The following PRRG1 variants were observed in gnomAD, a reference collection of about 807,000 sequenced individuals.
The protein encoded by PRRG1 is proline rich and Gla domain 1.
In PRRG1, 5 loss-of-function variants were observed where a neutral mutation model predicts 11.8. That is an observed-to-expected ratio of 0.42 (90% CI 0.22 to 0.89). The LOEUF (loss-of-function observed/expected upper bound fraction) is 0.89, where lower values mean the gene tolerates loss of function less well. Among genes scored for constraint, PRRG1 ranks in the 40% least tolerant of loss-of-function variants. The probability of loss-of-function intolerance (pLI) is 0.28; values close to 1 mark genes in which losing one functional copy is unlikely to be tolerated. For missense variants in PRRG1, 155 were observed against 166.1 expected (o/e 0.93, Z 0.37); for synonymous variants, 66 against 60.4 (o/e 1.09, Z -0.43).
chrX:37,395,215 T>C lies in PRRG1; in HGVS notation c.-41-10994T>C, dbSNP rs149365143. 7.3e-3 allele frequency among the ~76,000 whole-genome samples: 816 copies of C among 112,174 alleles called. 3 individuals carry two copies. Among genetic ancestry groups the C allele is most frequent in the South Asian group, 0.035 (93 of 2,664 alleles). ...GCAGACAAGGCCTCAAGCCCACATA[T>C]GTATGATAGCAAAACCCATGCTCTT... On this transcript the variant is annotated intron_variant, in intron 1 of 3. Transcript: ENST00000378628.
At chrX:37,373,223 A>G (rs1930827047) in intron 1 of PRRG1, among the ~76,000 whole-genome samples, 1 of 112,000 alleles carries the variant, frequency 8.9e-6, no homozygotes, top group Non-Finnish European at 1.9e-5. Context: ...TTTGAAGTCA[A>G]GTACTGTAAT....
chrX:37,384,130 T>C (rs1222956393), intron 1 of PRRG1, among the ~76,000 whole-genome samples: 4 of 111,418 alleles, frequency 3.6e-5, no homozygotes, highest in African/African-American at 1.3e-4. Context: ...TTTTTCCTCT[T>C]TTGAGAAGGG....
In PRRG1 at chrX:37,453,765, G is replaced by C. The variant is rs1210499085; in HGVS notation, c.*144G>C. The C allele has an allele frequency of 1.5e-6, 1 of 668,303 alleles. No homozygotes were observed. Among genetic ancestry groups the C allele is most frequent in the Non-Finnish European group, 2.1e-6 (1 of 485,115 alleles). The allele number at this position is 668,303 out of a possible 1,213,427, so 55.1% of individuals were successfully genotyped here. A position where few individuals can be genotyped will look rare whatever the true frequency, so the allele number is the denominator to read the frequency against. On this transcript the variant is annotated 3_prime_UTR_variant, in exon 4 of 4. Transcript: ENST00000378628. ...CTTCACACTTGTTTTATTTTCTTTA[G>C]TTTTGTTTCTTGTTATAGAATCATT...
intron 1 of PRRG1, among the ~76,000 whole-genome samples, chrX:37,354,757 A>T (rs985530278): frequency 2.7e-5 from 3 of 111,151 alleles, no homozygotes. Context: ...CTGACAGAAG[A>T]TGCTTGGATT....
At chrX:37,353,401 G>A (rs925370344) in intron 1 of PRRG1, among the ~76,000 whole-genome samples, 5 of 112,270 alleles carry the variant, frequency 4.5e-5, no homozygotes, top group African/African-American at 1.6e-4. Flanking sequence ...AGTTTATGTA[G>A]TAAAGAAGTT....
intron 3 of PRRG1, among the ~76,000 whole-genome samples, chrX:37,430,769 G>A (rs186461437): frequency 2.2e-4 from 25 of 111,296 alleles, no homozygotes; most frequent in African/African-American, 7.2e-4. Context: ...ACTGACGTTG[G>A]TACAATCTGT....
chrX:37,421,924 G>A (rs1556387153), intron 2 of PRRG1, among the ~76,000 whole-genome samples: 1 of 111,652 alleles, frequency 9.0e-6, no homozygotes, highest in African/African-American at 3.2e-5. Context: ...ACTGGATTTG[G>A]CAAGTGAGAT....
chrX:37,371,713 G>A (rs138862364), intron 1 of PRRG1, among the ~76,000 whole-genome samples: 2,133 of 113,167 alleles, frequency 0.019, 23 homozygotes, highest in Middle Eastern at 0.05. Flanking sequence ...GCCTTGCAGG[G>A]AGCCAGCGCC....
At chrX:37,446,880 C>T (rs782806376) in intron 3 of PRRG1, among the ~76,000 whole-genome samples, 83 of 110,737 alleles carry the variant, frequency 7.5e-4, no homozygotes, top group African/African-American at 2.5e-3. Flanking sequence ...CTAATCCATA[C>T]CTGTGAGAAC....
chrX:37,446,442 A>G (rs1470852661), intron 3 of PRRG1, among the ~76,000 whole-genome samples: 1 of 111,932 alleles, frequency 8.9e-6, no homozygotes, highest in Non-Finnish European at 1.9e-5. Flanking sequence ...CTTCCCAGAA[A>G]TAATGCATTT....
chrX:37,356,812 A>G, intron 1 of PRRG1, among the ~76,000 whole-genome samples: 1 of 111,120 alleles, frequency 9.0e-6, no homozygotes, highest in Non-Finnish European at 1.9e-5. Flanking sequence ...GAGTTCTCAT[A>G]TACCCCCTCT....
intron 2 of PRRG1, among the ~76,000 whole-genome samples, chrX:37,412,157 T>A (rs1910851048): frequency 1.8e-5 from 2 of 111,943 alleles, no homozygotes; most frequent in Non-Finnish European, 3.8e-5. Flanking sequence ...GTGTTGCCAG[T>A]TAGTCTTTGT....
At chrX:37,417,453 C>T (rs892524888) in intron 2 of PRRG1, among the ~76,000 whole-genome samples, 5 of 111,294 alleles carry the variant, frequency 4.5e-5, no homozygotes, top group African/African-American at 1.6e-4. Context: ...ACAATAAATT[C>T]TGAATTATTA....
At chrX:37,405,091 C>G (rs1395722146) in intron 1 of PRRG1, among the ~76,000 whole-genome samples, 1 of 111,964 alleles carries the variant, frequency 8.9e-6, no homozygotes, top group South Asian at 3.7e-4. Flanking sequence ...TAAATTAAGT[C>G]GGTATTTCCT....
In PRRG1 at chrX:37,401,822, G is replaced by A. The variant is rs1445910495; in HGVS notation, c.-41-4387G>A. 7.7e-4 allele frequency among the ~76,000 whole-genome samples: 85 copies of A among 111,067 alleles called. 1 individual carries two copies. In the South Asian group the frequency reaches 0.032, roughly 42 times the overall value. ...AAAAATCAATGTACAAAAATGACAAGCATTCTTATACACCAACAACAGACA... is the reference window on the plus strand; with the variant it reads ...AAAAATCAATGTACAAAAATGACAAACATTCTTATACACCAACAACAGACA... On this transcript the variant is annotated intron_variant, in intron 1 of 3. Transcript: ENST00000378628.
intron 1 of PRRG1, among the ~76,000 whole-genome samples, chrX:37,359,860 A>G (rs1556367152): frequency 9.0e-6 from 1 of 111,445 alleles, no homozygotes; most frequent in African/African-American, 3.2e-5. Flanking sequence ...GTATCTTTCA[A>G]GGAATTGGTC....
At position 37,387,744 on chromosome X, in the gene PRRG1, G is replaced by GC. The variant is rs781893116; in HGVS notation, c.-41-18459dup. On this transcript the variant is annotated intron_variant, in intron 1 of 3. Transcript: ENST00000378628. The stretch of plus-strand genomic sequence containing the variant: ...TCCAAACCATATCATTCTGGCACTA[G>GC]CCCCCCACAAATCACATGTCCCTCT... 1.6e-3 allele frequency among the ~76,000 whole-genome samples: 176 copies of GC among 110,686 alleles called. 1 individual carries two copies. Among genetic ancestry groups the GC allele is most frequent in the Middle Eastern group, 4.6e-3 (1 of 217 alleles).
chrX:37,416,499 A>C (rs782560591), intron 2 of PRRG1, among the ~76,000 whole-genome samples: 2 of 112,226 alleles, frequency 1.8e-5, no homozygotes, highest in South Asian at 7.5e-4. Context: ...TCCATAAACT[A>C]GAAAGGAAAT....
intron 1 of PRRG1, among the ~76,000 whole-genome samples, chrX:37,357,899 T>G (rs1930290989): frequency 8.9e-6 from 1 of 112,453 alleles, no homozygotes; most frequent in Non-Finnish European, 1.9e-5. Context: ...TCCACATCCT[T>G]GCCAGCATTT....
Sources: gnomAD v4.1 joint callset for allele counts (sites outside exome capture counted in the v4.1 genomes callset) on GRCh38, gnomAD v4.1.1 for gene constraint, MANE v1.5 for transcripts, NCBI Gene and HGNC (gene_info 2026-07-23, HGNC 2026-07-21) for gene names.